Variants in LPO observed in about 807,000 individuals in gnomAD.
The protein encoded by LPO is salivary peroxidase.
LPO carries 70 observed loss-of-function variants against 68.4 expected under a neutral mutation model. The ratio of observed to expected loss-of-function variants is 1.02; its 90% confidence interval spans 0.84 to 1.25. The LOEUF (loss-of-function observed/expected upper bound fraction) is 1.25. Among genes scored for constraint, LPO ranks in the 50% most tolerant of loss-of-function variants. LPO has a pLI of 0.00. For synonymous variants in LPO, 360 were observed against 357.6 expected, an observed-to-expected ratio of 1.01 and a Z score of -0.08; for missense variants, 873 against 908.4, an observed-to-expected ratio of 0.96 and a Z score of 0.50.
chr17:58,250,446 A>G lies in LPO; in HGVS notation c.605A>G (p.Tyr202Cys). 1 of 1,614,166 alleles carries G rather than the reference A, an allele frequency of 6.2e-7. No homozygotes were observed. Among genetic ancestry groups the G allele is most frequent in the Non-Finnish European group, 8.5e-7 (1 of 1,180,016 alleles). ...GAGGTATCTAACAAGATTGTTGGCT[A>G]TCTGAATGAGGAGGGTGTTCTGGAC... ...AREVSNKIVG[Y>C]LNEEGVLDQN... The change falls in exon 7 of 13, where the codon TAT becomes TGT. Residue 202 changes from tyrosine (Y) to cysteine (C), a missense_variant. Physicochemically the swap from Tyr to Cys is radical, Grantham distance 194 (BLOSUM62 -2). Transcript: ENST00000262290.
chr17:58,255,418 A>G (rs1017974955), intron 9 of LPO, among the ~76,000 whole-genome samples: 27 of 152,254 alleles, frequency 1.8e-4, no homozygotes, highest in African/African-American at 6.5e-4. Flanking sequence ...ACAAAGGTTG[A>G]TGTGTTGATA....
In LPO at chr17:58,249,175, C is replaced by T; in HGVS notation, c.441C>T (p.Asn147=). ...GCACCATTACGGGAGACTGCAATAA[C>T]AGGTGGCGGGGCTTGGGGTGTGGGG... ...PYRTITGDCN[N]RRKPALGAAN... Residue 147 remains asparagine, a splice_region_variant and synonymous_variant, in exon 5 of 13, where the codon AAC becomes AAT. Transcript: ENST00000262290. 1.2e-6 allele frequency: 2 copies of T among 1,613,618 alleles called. No individual in the cohort carries two copies. Among genetic ancestry groups the T allele is most frequent in the Non-Finnish European group, 1.7e-6 (2 of 1,179,526 alleles).
At chr17:58,250,141 G>A (rs1969931263) in intron 6 of LPO, among the ~76,000 whole-genome samples, 3 of 152,182 alleles carry the variant, frequency 2.0e-5, no homozygotes, top group African/African-American at 7.2e-5. Context: ...TTAGTGGAAA[G>A]GGCACCGGCT....
At chr17:58,246,684 G>C (rs997549831) in intron 3 of LPO, among the ~76,000 whole-genome samples, 1 of 152,178 alleles carries the variant, frequency 6.6e-6, no homozygotes, top group African/African-American at 2.4e-5. Flanking sequence ...GTGTGAGGTG[G>C]GGACTCTAAA....
In LPO at chr17:58,259,174, G is replaced by T. The variant is rs1970129704; in HGVS notation, c.1266+4203G>T. 2.0e-5 allele frequency among the ~76,000 whole-genome samples: 3 copies of T among 152,132 alleles called. No individual in the cohort carries two copies. In the South Asian group the frequency reaches 6.2e-4, roughly 31 times the overall value. ...TTTTTTCCTAGTCCTAGGTCCCAAA[G>T]ACTTTCTCCTGCTTTTTCCTTCTAG... On this transcript the variant is annotated intron_variant, in intron 9 of 12. Transcript: ENST00000262290.
intron 3 of LPO, among the ~76,000 whole-genome samples, chr17:58,246,380 G>A (rs186945531): frequency 5.3e-5 from 8 of 152,306 alleles, no homozygotes; most frequent in Non-Finnish European, 1.2e-4. Flanking sequence ...AGAACGAATG[G>A]GAAGAGGACA....
chr17:58,249,651 G>T lies in LPO; in HGVS notation c.529G>T (p.Gly177Cys), dbSNP rs1275993572. The change falls in exon 6 of 13, where the codon GGC becomes TGC. Residue 177 changes from glycine to cysteine, a missense_variant. Coordinates refer to ENST00000262290, the MANE Select transcript of LPO (RefSeq NM_006151.3). ...EYEDGLSLPFGWTPGKTRNGF... is the reference protein window; with the variant it reads ...EYEDGLSLPFCWTPGKTRNGF... ...CGAGGACGGGCTCTCCCTGCCCTTC[G>T]GCTGGACGCCGGGGAAGACGCGCAA... 1 of 1,594,256 alleles carries T rather than the reference G, an allele frequency of 6.3e-7. No individual in the cohort carries two copies.
intron 9 of LPO, among the ~76,000 whole-genome samples, chr17:58,259,375 T>A (rs1308634177): frequency 1.3e-5 from 2 of 152,182 alleles, no homozygotes; most frequent in Non-Finnish European, 2.9e-5. Context: ...ATTGCTTTTG[T>A]TTCTTTGGTA....
intron 4 of LPO, among the ~76,000 whole-genome samples, 168 bp downstream of exon 4, chr17:58,247,806 C>G (rs1356189030): frequency 6.6e-6 from 1 of 152,184 alleles, no homozygotes; most frequent in Non-Finnish European, 1.5e-5. Flanking sequence ...CAAGGAAGGT[C>G]TTAGAGGACA....
At chr17:58,266,036 G>A (rs1970256501) in intron 10 of LPO, 117 bp from the exon 11 acceptor site, 5 of 948,800 alleles carry the variant, frequency 5.3e-6, no homozygotes, top group African/African-American at 3.3e-5. Context: ...AGCCTGGGAT[G>A]TCCAGGTGAC....
intron 9 of LPO, among the ~76,000 whole-genome samples, chr17:58,256,826 CAAAAAAAA>C (rs969464308): frequency 1.1e-4 from 8 of 74,566 alleles, no homozygotes; most frequent in Non-Finnish European, 2.4e-4. Context: ...GACTCCCTTT[CAAAAAAAA>C]AAAAAAAAAG....
At position 58,252,506 on chromosome 17, in the gene LPO, G is replaced by A; in HGVS notation, c.1105G>A (p.Gly369Arg). The A allele has an allele frequency of 6.2e-7, 1 of 1,610,028 alleles. No individual in the cohort carries two copies. The highest frequency in any genetic ancestry group is 8.5e-7 in the Non-Finnish European group (1 of 1,177,364). ...TTARVPCFLA[G>R]DSRASEHILL... Reference sequence around the variant, plus strand: ...TGCCCGTGTGCCCTGCTTCCTGGCAGGTGAGTCTAGCCTGGGAACAGAAGG... The same window carrying A: ...TGCCCGTGTGCCCTGCTTCCTGGCAAGTGAGTCTAGCCTGGGAACAGAAGG... Residue 369 changes from glycine (G) to arginine (R), a missense_variant and splice_region_variant, in exon 8 of 13, where the codon GGA (glycine) becomes AGA (arginine). Gly to Arg is a moderately radical substitution (Grantham distance 125). Transcript: ENST00000262290.
rs757574733 is a variant in LPO at position 58,267,945 on chromosome 17, C to T, written c.2090C>T (p.Ser697Leu). The T allele has an allele frequency of 1.5e-5, 25 of 1,613,974 alleles. No homozygotes were observed. The highest frequency in any genetic ancestry group is 2.7e-5 in the African/African-American group (2 of 74,914). ...NSYPYDFVDC[S>L]AIDKLDLSPW... ...TACCCCTATGACTTCGTGGATTGCTCAGCCATCGACAAGCTGGACCTGTCA... is the reference window on the plus strand; with the variant it reads ...TACCCCTATGACTTCGTGGATTGCTTAGCCATCGACAAGCTGGACCTGTCA... Residue 697 changes from serine to leucine, a missense_variant, in exon 13 of 13, where the codon TCA (serine) becomes TTA (leucine). Transcript: ENST00000262290.
intron 2 of LPO, 97 bp downstream of exon 2, chr17:58,243,152 G>A: frequency 8.0e-7 from 1 of 1,250,638 alleles, no homozygotes; most frequent in Non-Finnish European, 1.2e-6. Flanking sequence ...TCACAGTACG[G>A]GAGGATAGAA....
chr17:58,260,375 C>T (rs1349828649), intron 9 of LPO, among the ~76,000 whole-genome samples: 1 of 151,972 alleles, frequency 6.6e-6, no homozygotes, highest in Non-Finnish European at 1.5e-5. Flanking sequence ...TTTTTCTTGC[C>T]TTATTACGTG....
chr17:58,249,745 A>G, intron 6 of LPO, 50 bp downstream of exon 6: 1 of 1,517,108 alleles, frequency 6.6e-7, no homozygotes, highest in Non-Finnish European at 8.8e-7. Flanking sequence ...AGGGGACGGG[A>G]TGCACTACCC....
Position 58,252,350 on chromosome 17 carries a change from G to T in LPO, c.949G>T (p.Ala317Ser). 1 of 1,614,158 alleles carries T rather than the reference G, an allele frequency of 6.2e-7. No homozygotes were observed. Among genetic ancestry groups the T allele is most frequent in the Non-Finnish European group, 8.5e-7 (1 of 1,180,030 alleles). Residue 317 changes from alanine to serine, a missense_variant, in exon 8 of 13, where the codon GCC becomes TCC. Ala to Ser is a moderately conservative substitution (Grantham distance 99, BLOSUM62 1). Transcript: ENST00000262290. ...TGTGTACAGCTCCGAGCCAAGCCTG[G>T]CCAGCCGCCTCCGCAACCTCAGCAG... ...SFVYSSEPSL[A>S]SRLRNLSSPL...
intron 9 of LPO, among the ~76,000 whole-genome samples, chr17:58,256,826 CAAAA>C (rs969464308): frequency 1.3e-5 from 1 of 74,550 alleles, no homozygotes; most frequent in Non-Finnish European, 3.0e-5. Flanking sequence ...GACTCCCTTT[CAAAA>C]AAAAAAAAAA....
intron 2 of LPO, 170 bp downstream of exon 2, chr17:58,243,225 C>A (rs1266303677): frequency 1.7e-6 from 1 of 601,314 alleles, no homozygotes; most frequent in Non-Finnish European, 2.9e-6. Flanking sequence ...AGAATGCTTC[C>A]TTTCTTCTTC....
Sources: allele counts gnomAD v4.1 joint callset (sites outside exome capture counted in the v4.1 genomes callset), GRCh38; gene constraint gnomAD v4.1.1; transcripts MANE v1.5; gene names NCBI Gene and HGNC (gene_info 2026-07-23, HGNC 2026-07-21).